Variants in MRC2 observed in about 807,000 individuals in gnomAD.
MRC2 encodes mannose receptor C-type 2.
In MRC2, 84 loss-of-function variants were observed where a neutral mutation model predicts 206.2. The ratio of observed to expected loss-of-function variants is 0.41; its 90% CI spans 0.34 to 0.49. The LOEUF (loss-of-function observed/expected upper bound fraction) is 0.49. Ranked by LOEUF, MRC2 falls within the 20% of genes least tolerant of loss-of-function variation. The pLI, the probability that MRC2 is intolerant of heterozygous loss-of-function variation, is 0.31. For synonymous variants in MRC2, 798 were observed against 800.0 expected (o/e 1.00, Z 0.04); for missense variants, 1,676 against 2,001.5 (o/e 0.84, Z 3.10).
At chr17:62,689,037 A>C in intron 23 of MRC2, 77 bp downstream of exon 23, 1 of 1,186,750 alleles carries the variant, frequency 8.4e-7, no homozygotes, top group Admixed American at 1.9e-5. Context: ...TGCCAGGAGG[A>C]AGGAATCATG....
At position 62,664,559 on chromosome 17, in the gene MRC2, T is replaced by A; in HGVS notation, c.130T>A (p.Phe44Ile). 2.5e-6 allele frequency: 4 copies of A among 1,610,878 alleles called. No individual in the cohort carries two copies. Among genetic ancestry groups the A allele is most frequent in the Non-Finnish European group, 3.4e-6 (4 of 1,178,500 alleles). Reference protein sequence around the residue: ...GDAALPEPNVFLIFSHGLQGC... With the variant: ...GDAALPEPNVILIFSHGLQGC... The stretch of plus-strand genomic sequence containing the variant: ...GCCTTCCCTTCCAGAACCCAACGTC[T>A]TCCTCATCTTCAGCCATGGACTGCA... Residue 44 changes from phenylalanine to isoleucine, a missense_variant, in exon 2 of 30, where the codon TTC becomes ATC. Phe to Ile is a conservative substitution (Grantham distance 21). Coordinates refer to ENST00000303375, the MANE Select transcript of MRC2 (RefSeq NM_006039.5). The surrounding 1 kb of genome is among the most constrained non-coding windows in gnomAD (Gnocchi z 4.7).
At position 62,690,770 on chromosome 17, in the gene MRC2, CCT is replaced by C; in HGVS notation, c.4012+10_4012+11del. ...GAACTTCAACCCCAAAGGTGGGTGCCCTGTGTGTGGGGTGGAGAGGTCAAGCC... is the reference window on the plus strand; with the variant it reads ...GAACTTCAACCCCAAAGGTGGGTGCCGTGTGTGGGGTGGAGAGGTCAAGCC... On this transcript the variant is annotated intron_variant, in intron 27 of 29. Transcript: ENST00000303375. 6.3e-7 allele frequency: 1 copy of C among 1,595,744 alleles called. No homozygotes were observed. Among genetic ancestry groups the C allele is most frequent in the Non-Finnish European group, 8.5e-7 (1 of 1,171,308 alleles).
intron 18 of MRC2, chr17:62,681,363 A>T (rs2088964372): frequency 1.7e-6 from 1 of 590,316 alleles, no homozygotes; most frequent in East Asian, 2.8e-5. Flanking sequence ...GTGCTTACGC[A>T]GCATCCAGCA....
intron 25 of MRC2, 22 bp downstream of exon 25, chr17:62,690,084 C>G: frequency 6.3e-7 from 1 of 1,583,306 alleles, no homozygotes; most frequent in Non-Finnish European, 8.6e-7. Flanking sequence ...CCTGCCAGGG[C>G]GGGGGCATGG....
Position 62,671,252 on chromosome 17 carries a change from T to C in MRC2, c.1118-397T>C, listed in dbSNP as rs1279075461. ...TGCCTGGCTAATTTTTTATTTTTTA[T>C]AGAGATGGGGTCTCCCCTTTGTTGC... On this transcript the variant is annotated intron_variant, in intron 6 of 29. Coordinates refer to ENST00000303375, the MANE Select transcript of MRC2 (RefSeq NM_006039.5). This position sits in a 1 kb window ranked among gnomAD's most constrained non-coding sequence, Gnocchi z 4.5. 1.3e-5 allele frequency among the ~76,000 whole-genome samples: 2 copies of C among 152,048 alleles called. No homozygotes were observed. Among genetic ancestry groups the C allele is most frequent in the African/African-American group, 4.8e-5 (2 of 41,376 alleles).
Position 62,678,357 on chromosome 17 carries a change from G to GT in MRC2, c.2053-147_2053-146insT. 3.0e-5 allele frequency: 34 copies of GT among 1,130,598 alleles called. No homozygotes were observed. The Admixed American group carries it at 3.3e-4, about 11-fold the overall frequency. 70.0% of individuals were successfully genotyped at this position (1,130,598 alleles called of 1,614,324 possible). A position where few individuals can be genotyped will look rare whatever the true frequency, so the allele number is the denominator to read the frequency against. On this transcript the variant is annotated intron_variant, in intron 12 of 29. Coordinates refer to ENST00000303375, the MANE Select transcript of MRC2 (RefSeq NM_006039.5). ...CAGCTCCCCTCCCCAGACCTCTGCA[G>GT]ATGAACAGGATTGTCCTTAGCTAGC...
At chr17:62,686,788 CATG>C (rs1371133969) in intron 20 of MRC2, among the ~76,000 whole-genome samples, 2 of 152,218 alleles carry the variant, frequency 1.3e-5, no homozygotes, top group Non-Finnish European at 2.9e-5. Flanking sequence ...GAATTCTACT[CATG>C]ATTTAAGTTG....
intron 1 of MRC2, among the ~76,000 whole-genome samples, chr17:62,648,817 T>C (rs1346887102): frequency 6.6e-6 from 1 of 152,238 alleles, no homozygotes; most frequent in Non-Finnish European, 1.5e-5. Context: ...TTATCGTTTC[T>C]TCTTATCCAG....
intron 11 of MRC2, 139 bp from the exon 12 acceptor site, chr17:62,677,130 A>G: frequency 1.5e-6 from 1 of 683,368 alleles, no homozygotes; most frequent in Non-Finnish European, 2.5e-6. Flanking sequence ...CCTGGCTCCA[A>G]CCCCAGAGAG....
rs1192297331 is a variant in MRC2 at position 62,666,909 on chromosome 17, C to A, written c.973+39C>A. 3 of 1,542,986 alleles carry A rather than the reference C, an allele frequency of 1.9e-6. No individual in the cohort carries two copies. Among genetic ancestry groups the A allele is most frequent in the South Asian group, 1.1e-5 (1 of 88,576 alleles). On this transcript the variant is annotated intron_variant, in intron 5 of 29. Coordinates refer to ENST00000303375, the MANE Select transcript of MRC2 (RefSeq NM_006039.5). This position sits in a 1 kb window ranked among gnomAD's most constrained non-coding sequence, Gnocchi z 5.0. Reference sequence around the variant, plus strand: ...TTGGGGGCGCAGGGCAGCATAGGGGCCCCGCGGGCTCTTGGCCTCCCATGG... The same window carrying A: ...TTGGGGGCGCAGGGCAGCATAGGGGACCCGCGGGCTCTTGGCCTCCCATGG...
Position 62,692,098 on chromosome 17 carries a change from CCT to C in MRC2, c.4193-11_4193-10del. On this transcript the variant is annotated splice_polypyrimidine_tract_variant and intron_variant, in intron 28 of 29. Coordinates refer to ENST00000303375, the MANE Select transcript of MRC2 (RefSeq NM_006039.5). The surrounding 1 kb of genome is among the most constrained non-coding windows in gnomAD (Gnocchi z 4.2). ...CACTGCTATTATTAACTGGCCCCCT[CCT>C]CTTGCCCACAGCTGAGCAGAGCAGC... The C allele has an allele frequency of 6.2e-7, 1 of 1,614,240 alleles. No individual in the cohort carries two copies. Among genetic ancestry groups the C allele is most frequent in the South Asian group, 1.1e-5 (1 of 91,080 alleles).
At chr17:62,648,028 C>T (rs2088511072) in intron 1 of MRC2, among the ~76,000 whole-genome samples, 2 of 152,196 alleles carry the variant, frequency 1.3e-5, no homozygotes, top group South Asian at 4.1e-4. Flanking sequence ...GTGACTCGCT[C>T]AGGAACTGGG....
rs377027737 is a variant in MRC2 at position 62,689,929 on chromosome 17, G to A, written c.3609G>A (p.Pro1203=). Residue 1203 remains proline, a synonymous_variant, in exon 25 of 30, where the codon CCG becomes CCA. Transcript: ENST00000303375. ...GGTACTCCTGGGTCTCAGAGGAGCC[G>A]CTGAACTACGTGGGCTGGCAGGACG... ...SRRYSWVSEE[P]LNYVGWQDGE... is the part of the protein sequence containing the mutation. 60 of 1,607,132 alleles carry A rather than the reference G, an allele frequency of 3.7e-5. No homozygotes were observed. The highest frequency in any genetic ancestry group is 4.4e-5 in the South Asian group (4 of 90,276).
chr17:62,642,426 A>G lies in MRC2; in HGVS notation c.118+14506A>G, dbSNP rs539237861. On this transcript the variant is annotated intron_variant, in intron 1 of 29. Coordinates refer to ENST00000303375, the MANE Select transcript of MRC2 (RefSeq NM_006039.5). Reference sequence around the variant, plus strand: ...TGACCATTTGTTTCAGCTGGTGTCTACCAGATCTCTCCACTAAAAAGGTCC... The same window carrying G: ...TGACCATTTGTTTCAGCTGGTGTCTGCCAGATCTCTCCACTAAAAAGGTCC... Among the ~76,000 whole-genome samples the G allele has an allele frequency of 2.6e-5, 4 of 152,252 alleles. No homozygotes were observed. In the South Asian group the frequency reaches 8.3e-4, roughly 32 times the overall value.
At chr17:62,689,814 C>T in intron 24 of MRC2, 54 bp downstream of exon 24, 2 of 1,531,726 alleles carry the variant, frequency 1.3e-6, no homozygotes, top group Non-Finnish European at 1.8e-6. Context: ...GTTCCCCTCC[C>T]TGCCCCTTCC....
chr17:62,666,624 G>C lies in MRC2; in HGVS notation c.859+5G>C. The stretch of plus-strand genomic sequence containing the variant: ...ACGAGCAGACCTACATCAACGGTGA[G>C]CCGGGGCCTGATGCCTGCTCGTGCC... On this transcript the variant is annotated splice_donor_5th_base_variant and intron_variant, in intron 4 of 29. Coordinates refer to ENST00000303375, the MANE Select transcript of MRC2 (RefSeq NM_006039.5). The surrounding 1 kb of genome is among the most constrained non-coding windows in gnomAD (Gnocchi z 5.0). 1.9e-6 allele frequency: 3 copies of C among 1,565,500 alleles called. No individual in the cohort carries two copies. Among genetic ancestry groups the C allele is most frequent in the South Asian group, 1.2e-5 (1 of 83,624 alleles).
intron 20 of MRC2, among the ~76,000 whole-genome samples, chr17:62,687,700 G>C (rs928404650): frequency 6.6e-5 from 10 of 152,082 alleles, no homozygotes; most frequent in African/African-American, 2.4e-4. Flanking sequence ...GGCTGGGCGC[G>C]GTGAAACCCC....
At chr17:62,677,197 C>A in intron 11 of MRC2, 72 bp from the exon 12 acceptor site, 1 of 1,326,894 alleles carries the variant, frequency 7.5e-7, no homozygotes, top group Non-Finnish European at 1.0e-6. Context: ...TGCTAGTGCC[C>A]TGCCGGGATG....
intron 1 of MRC2, among the ~76,000 whole-genome samples, chr17:62,649,471 A>C (rs1214908848): frequency 6.6e-6 from 1 of 152,148 alleles, no homozygotes; most frequent in Non-Finnish European, 1.5e-5. Flanking sequence ...GGCGCCTGTA[A>C]TCCCAGCTAC....
Sources: allele counts gnomAD v4.1 joint callset (sites outside exome capture counted in the v4.1 genomes callset), GRCh38; gene constraint gnomAD v4.1.1; non-coding constraint Gnocchi (gnomAD v3.1); transcripts MANE v1.5; gene names NCBI Gene and HGNC (gene_info 2026-07-23, HGNC 2026-07-21).